Variants in DGKB observed in about 807,000 individuals in gnomAD.
DGKB encodes the protein diacylglycerol kinase beta, also known as 90 kDa diacylglycerol kinase.
In DGKB, 67 loss-of-function variants were observed where a neutral mutation model predicts 114.3. The observed-to-expected ratio is 0.59, with a 90% CI of 0.48 to 0.72. The LOEUF (loss-of-function observed/expected upper bound fraction) is 0.72. DGKB is among the 30% of genes least tolerant of loss of function. The pLI is 0.00. For missense variants in DGKB, 907 were observed against 975.2 expected, an observed-to-expected ratio of 0.93 and a Z score of 0.93; for synonymous variants, 398 against 323.1, an observed-to-expected ratio of 1.23 and a Z score of -2.49.
chr7:14,820,286 A>T (rs1354485193), intron 2 of DGKB, among the ~76,000 whole-genome samples: 1 of 152,170 alleles, frequency 6.6e-6, no homozygotes. Context: ...CTCCTTTATT[A>T]TTATAATAAT....
chr7:14,689,481 T>C (rs1348394660), intron 9 of DGKB, among the ~76,000 whole-genome samples: 1 of 152,116 alleles, frequency 6.6e-6, no homozygotes, highest in East Asian at 1.9e-4. Context: ...GAAACTTCTC[T>C]TTTAGACAAA....
chr7:14,531,258 A>G (rs2128593289), intron 20 of DGKB, among the ~76,000 whole-genome samples: 1 of 151,660 alleles, frequency 6.6e-6, no homozygotes, highest in East Asian at 1.9e-4. Flanking sequence ...GAAGAAAAAA[A>G]ACAATGTTTT....
chr7:14,418,325 A>ATACACACACATATTCACATATATATGTG lies in DGKB; in HGVS notation c.1835+59835_1835+59836insCACATATATATGTGAATATGTGTGTGTA, dbSNP rs1216080813. 7.8e-3 allele frequency among the ~76,000 whole-genome samples: 688 copies of ATACACACACATATTCACATATATATGTG among 87,696 alleles called. 4 individuals carry two copies. The highest frequency in any genetic ancestry group is 0.022 in the Middle Eastern group (4 of 184). 57.5% of individuals were successfully genotyped at this position (87,696 alleles called of 152,430 possible). A position where few individuals can be genotyped will look rare whatever the true frequency, so the allele number is the denominator to read the frequency against. ...TATGTATGTATATATGTATGTATAT[A>ATACACACACATATTCACATATATATGTG]TGTATATATATACACACACATATAT... On this transcript the variant is annotated intron_variant, in intron 21 of 25. Coordinates refer to ENST00000402815, the MANE Select transcript of DGKB (RefSeq NM_001350709.2).
intron 25 of DGKB, among the ~76,000 whole-genome samples, chr7:14,174,585 A>C (rs1238047046): frequency 6.6e-6 from 1 of 152,114 alleles, no homozygotes; most frequent in Non-Finnish European, 1.5e-5. Flanking sequence ...AAGGCTGATG[A>C]AAAGTGACTT....
At chr7:14,818,121 A>C (rs745634181) in intron 2 of DGKB, among the ~76,000 whole-genome samples, 19 of 152,174 alleles carry the variant, frequency 1.2e-4, no homozygotes, top group Non-Finnish European at 1.8e-4. Flanking sequence ...AGAAGATTAT[A>C]ATGTGAATTC....
chr7:14,320,248 C>A (rs1356824126), intron 23 of DGKB, among the ~76,000 whole-genome samples: 1 of 152,150 alleles, frequency 6.6e-6, no homozygotes, highest in Admixed American at 6.6e-5. Flanking sequence ...GGTGTTCTAT[C>A]TACTTCTATC....
intron 20 of DGKB, among the ~76,000 whole-genome samples, chr7:14,532,096 T>C (rs967220125): frequency 3.3e-5 from 5 of 151,528 alleles, no homozygotes; most frequent in Middle Eastern, 6.8e-3. Flanking sequence ...CTCAGAACAC[T>C]GTAGTACTTT....
intron 1 of DGKB, among the ~76,000 whole-genome samples, chr7:14,858,300 T>A (rs1192022151): frequency 6.6e-6 from 1 of 152,136 alleles, no homozygotes; most frequent in African/African-American, 2.4e-5. Context: ...ATATCTAAGT[T>A]CAAGAATGAC....
intron 21 of DGKB, among the ~76,000 whole-genome samples, chr7:14,380,763 TTTTC>T (rs1228942253): frequency 1.2e-4 from 18 of 152,296 alleles, no homozygotes; most frequent in Middle Eastern, 3.4e-3. Context: ...TTTTTCCAAT[TTTTC>T]TTTCTAACTG....
At chr7:14,520,384 G>C (rs1286003257) in intron 20 of DGKB, among the ~76,000 whole-genome samples, 1 of 151,020 alleles carries the variant, frequency 6.6e-6, no homozygotes, top group Non-Finnish European at 1.5e-5. Context: ...GATTTAGTTT[G>C]CTTTTCTTTT....
chr7:14,390,610 A>G (rs991912984), intron 21 of DGKB, among the ~76,000 whole-genome samples: 12 of 152,190 alleles, frequency 7.9e-5, no homozygotes, highest in Non-Finnish European at 1.5e-5. Context: ...CACAAAGACA[A>G]AAATGAATTA....
chr7:14,908,435 A>C (rs1431671943), intron 1 of DGKB, among the ~76,000 whole-genome samples: 2 of 152,156 alleles, frequency 1.3e-5, no homozygotes, highest in African/African-American at 2.4e-5. Flanking sequence ...ACTTGTATCA[A>C]ATAATCATTT....
chr7:14,677,599 C>T (rs1281004327), intron 12 of DGKB, among the ~76,000 whole-genome samples: 1 of 151,900 alleles, frequency 6.6e-6, no homozygotes, highest in African/African-American at 2.4e-5. Flanking sequence ...CCTCAACTTC[C>T]CATCCTGGTG....
chr7:14,815,013 C>A (rs1843924407), intron 2 of DGKB, among the ~76,000 whole-genome samples: 1 of 152,108 alleles, frequency 6.6e-6, no homozygotes, highest in Admixed American at 6.6e-5. Context: ...AATCCTTTTC[C>A]TGTCATTCTA....
At chr7:14,461,755 T>C (rs1463938106) in intron 21 of DGKB, among the ~76,000 whole-genome samples, 1 of 152,188 alleles carries the variant, frequency 6.6e-6, no homozygotes, top group Non-Finnish European at 1.5e-5. Context: ...ACTCATTTTA[T>C]GAGGCCAGCA....
At chr7:14,781,616 G>C (rs1435765539) in intron 2 of DGKB, among the ~76,000 whole-genome samples, 2 of 152,074 alleles carry the variant, frequency 1.3e-5, no homozygotes, top group Admixed American at 1.3e-4. Context: ...CTTTGCAGTT[G>C]TAATAGAAAT....
At chr7:14,733,170 G>A (rs1831165651) in intron 5 of DGKB, among the ~76,000 whole-genome samples, 1 of 152,128 alleles carries the variant, frequency 6.6e-6, no homozygotes, top group African/African-American at 2.4e-5. Flanking sequence ...TAGATCCACT[G>A]AAACTCATTC....
intron 15 of DGKB, 167 bp downstream of exon 15, chr7:14,621,211 C>A: frequency 1.9e-6 from 1 of 521,494 alleles, no homozygotes; most frequent in Non-Finnish European, 3.4e-6. Context: ...CTCTGTCAAT[C>A]AACCGTAAGA....
At chr7:14,801,795 T>C (rs998053116) in intron 2 of DGKB, among the ~76,000 whole-genome samples, 3 of 152,010 alleles carry the variant, frequency 2.0e-5, no homozygotes, top group Non-Finnish European at 4.4e-5. Context: ...CTATTGCTCA[T>C]AATAAATTAG....
Sources: allele counts gnomAD v4.1 joint callset (sites outside exome capture counted in the v4.1 genomes callset), GRCh38; gene constraint gnomAD v4.1.1; transcripts MANE v1.5; gene names NCBI Gene and HGNC (gene_info 2026-07-23, HGNC 2026-07-21).